Variants in NBAS observed in about 807,000 individuals in gnomAD.
NBAS encodes NBAS subunit of NRZ tethering complex.
A neutral mutation model predicts 302.5 loss-of-function variants in NBAS; 219 were observed. That is an observed-to-expected ratio of 0.72 (90% CI 0.65 to 0.81). The LOEUF (loss-of-function observed/expected upper bound fraction) is 0.81, where lower values mean the gene tolerates loss of function less well. Among genes scored for constraint, NBAS ranks in the 30% least tolerant of loss-of-function variants. The pLI, the probability that NBAS is intolerant of heterozygous loss-of-function variation, is 0.00. For synonymous variants in NBAS, 1,118 were observed against 1,021.6 expected, an observed-to-expected ratio of 1.09 and a Z score of -1.80; for missense variants, 2,932 against 2,841.6, an observed-to-expected ratio of 1.03 and a Z score of -0.72.
chr2:14,968,805 T>A, the NBAS span, among the ~76,000 whole-genome samples: 2 of 152,204 alleles, frequency 1.3e-5, no homozygotes, highest in Admixed American at 6.5e-5. Flanking sequence ...ATTACTTACA[T>A]GTAGAGTTTT....
At chr2:15,376,322 G>A (rs1354941713) in intron 30 of NBAS, among the ~76,000 whole-genome samples, 1 of 152,134 alleles carries the variant, frequency 6.6e-6, no homozygotes, top group Non-Finnish European at 1.5e-5. Flanking sequence ...GTGTGTCCTT[G>A]CAAGAGAGAA....
chr2:15,104,274 C>A, the NBAS span, among the ~76,000 whole-genome samples: 8 of 152,262 alleles, frequency 5.3e-5, no homozygotes, highest in South Asian at 1.7e-3. Context: ...AACTGTGAGT[C>A]AATTAAGCCT....
At chr2:15,319,179 A>T (rs1671666233) in intron 38 of NBAS, among the ~76,000 whole-genome samples, 1 of 152,202 alleles carries the variant, frequency 6.6e-6, no homozygotes, top group Non-Finnish European at 1.5e-5. Flanking sequence ...AGGCAGAAAT[A>T]AAGATGTTCT....
chr2:15,451,506 T>C (rs917711350), intron 21 of NBAS, among the ~76,000 whole-genome samples: 1 of 152,214 alleles, frequency 6.6e-6, no homozygotes, highest in Non-Finnish European at 1.5e-5. Flanking sequence ...TAGACTTCCA[T>C]CTACCTTTGA....
chr2:14,813,710 C>A, the NBAS span, among the ~76,000 whole-genome samples: 1 of 152,102 alleles, frequency 6.6e-6, no homozygotes, highest in African/African-American at 2.4e-5. Flanking sequence ...TGCAGCCTAA[C>A]CATGTGGGAG....
chr2:15,356,829 C>A (rs990041694), intron 32 of NBAS, among the ~76,000 whole-genome samples: 1 of 152,178 alleles, frequency 6.6e-6, no homozygotes, highest in African/African-American at 2.4e-5. Context: ...CAATAAACTT[C>A]TCATCATAAA....
intron 44 of NBAS, among the ~76,000 whole-genome samples, chr2:15,252,367 G>A (rs575323190): frequency 8.1e-4 from 123 of 152,090 alleles, no homozygotes; most frequent in Non-Finnish European, 1.3e-3. Context: ...GCGTGGTGGC[G>A]CGTGCCTGTA....
rs1667198115 is a variant in NBAS at position 15,227,562 on chromosome 2, A to G, written c.6236+4860T>C. On this transcript the variant is annotated intron_variant, in intron 47 of 51. Transcript: ENST00000281513. ...ACCTAAAACAAACACAGCTGGAGGCATCACACTGCTTGACCTCAAAATATA... is the reference window on the plus strand; with the variant it reads ...ACCTAAAACAAACACAGCTGGAGGCGTCACACTGCTTGACCTCAAAATATA... Among the ~76,000 whole-genome samples, 6 of 152,346 alleles carry G rather than the reference A, an allele frequency of 3.9e-5. No individual in the cohort carries two copies. The South Asian group carries it at 1.2e-3, about 32-fold the overall frequency.
chr2:15,243,344 C>G (rs985880360), intron 44 of NBAS, among the ~76,000 whole-genome samples: 2 of 152,062 alleles, frequency 1.3e-5, no homozygotes, highest in African/African-American at 2.4e-5. Flanking sequence ...TTTTTAACCA[C>G]AACAATTAAG....
chr2:15,259,236 T>C (rs910191358), intron 44 of NBAS, among the ~76,000 whole-genome samples: 6 of 152,238 alleles, frequency 3.9e-5, no homozygotes, highest in African/African-American at 1.4e-4. Flanking sequence ...AACATGATTT[T>C]AAGCACAAAG....
intron 22 of NBAS, 50 bp downstream of exon 22, chr2:15,427,661 T>C: frequency 6.9e-7 from 1 of 1,444,972 alleles, no homozygotes; most frequent in Non-Finnish European, 9.6e-7. Context: ...GGCCATCAGT[T>C]CACCCATCCC....
the NBAS span, among the ~76,000 whole-genome samples, chr2:15,153,019 T>C: frequency 2.8e-4 from 43 of 152,306 alleles, no homozygotes; most frequent in African/African-American, 1.0e-3. Flanking sequence ...GAAAGAACAT[T>C]TTTTAGGCTC....
intron 38 of NBAS, among the ~76,000 whole-genome samples, chr2:15,312,089 A>G (rs73197035): frequency 0.027 from 4,098 of 152,196 alleles, 183 homozygotes; most frequent in African/African-American, 0.093. Context: ...ACTGCCAGAT[A>G]GGCCTGCCTT....
chr2:15,475,616 A>G, intron 14 of NBAS, 71 bp downstream of exon 14: 1 of 1,407,334 alleles, frequency 7.1e-7, no homozygotes, highest in Non-Finnish European at 9.9e-7. Flanking sequence ...AGACAACTCA[A>G]ATAAAAACCA....
the NBAS span, among the ~76,000 whole-genome samples, chr2:15,112,608 T>C: frequency 0.32 from 48,831 of 152,032 alleles, 8,177 homozygotes; most frequent in South Asian, 0.4. Context: ...TAACCAGGCA[T>C]GCTTTGGCAA....
chr2:15,545,133 G>A (rs1664042891), intron 6 of NBAS, among the ~76,000 whole-genome samples: 1 of 151,950 alleles, frequency 6.6e-6, no homozygotes, highest in African/African-American at 2.4e-5. Context: ...AAATGAAAAA[G>A]GTTAAAATCA....
the NBAS span, among the ~76,000 whole-genome samples, chr2:14,788,150 C>T: frequency 2.6e-5 from 4 of 152,186 alleles, no homozygotes; most frequent in Non-Finnish European, 4.4e-5. Context: ...ACGTAGTTCT[C>T]GAGGCTTGGC....
At chr2:15,006,793 C>T in the NBAS span, among the ~76,000 whole-genome samples, 307 of 152,334 alleles carry the variant, frequency 2.0e-3, no homozygotes, top group African/African-American at 7.0e-3. Flanking sequence ...CAGCCATCAG[C>T]AGTACTTGGG....
the NBAS span, among the ~76,000 whole-genome samples, chr2:15,082,850 G>A: frequency 6.6e-6 from 1 of 152,228 alleles, no homozygotes; most frequent in African/African-American, 2.4e-5. Context: ...AGGGAACTGA[G>A]ACTTTGAGGA....
Sources: allele counts gnomAD v4.1 joint callset (sites outside exome capture counted in the v4.1 genomes callset), GRCh38; gene constraint gnomAD v4.1.1; transcripts MANE v1.5; gene names NCBI Gene and HGNC (gene_info 2026-07-23, HGNC 2026-07-21).